The following CAST variants were observed in gnomAD, a reference collection of about 807,000 sequenced individuals.
CAST encodes the protein calpastatin.
Under a neutral mutation model 119.6 loss-of-function variants are expected in CAST, and 76 were observed. The observed-to-expected ratio is 0.64, with a 90% CI of 0.53 to 0.77. The LOEUF is 0.77. Among genes scored for constraint, CAST ranks in the 30% least tolerant of loss-of-function variants. The probability of loss-of-function intolerance (pLI) is 0.00; values close to 1 mark genes in which losing one functional copy is unlikely to be tolerated. For synonymous variants in CAST, 319 were observed against 331.6 expected (o/e 0.96, Z 0.41); for missense variants, 953 against 946.5 (o/e 1.01, Z -0.09).
chr5:96,480,249 AGGAATATGGTAGTAAAATG>A, the CAST span, among the ~76,000 whole-genome samples: 5 of 152,200 alleles, frequency 3.3e-5, no homozygotes, highest in African/African-American at 1.2e-4. Context: ...TTTGGTGTTC[AGGAATATGGTAGTAAAATG>A]GGAACAGGAA....
the CAST span, among the ~76,000 whole-genome samples, chr5:96,014,461 CTTA>C: frequency 6.6e-6 from 1 of 152,086 alleles, no homozygotes; most frequent in Non-Finnish European, 1.5e-5. Context: ...AACATAGTCA[CTTA>C]TTATCATTAT....
chr5:95,980,983 G>A, the CAST span, among the ~76,000 whole-genome samples: 1 of 152,188 alleles, frequency 6.6e-6, no homozygotes, highest in African/African-American at 2.4e-5. Flanking sequence ...ACCCTGAGAT[G>A]TCACAGGGAG....
the CAST span, among the ~76,000 whole-genome samples, chr5:96,406,508 T>C: frequency 1.3e-5 from 2 of 152,174 alleles, no homozygotes; most frequent in African/African-American, 4.8e-5. Flanking sequence ...GGTGGACTCT[T>C]GGTAAGAGCC....
intron 1 of CAST, among the ~76,000 whole-genome samples, chr5:96,575,815 T>A (rs1390136220): frequency 6.6e-6 from 1 of 152,024 alleles, no homozygotes; most frequent in African/African-American, 2.4e-5. Context: ...GCTAATTTTT[T>A]AATCATTTGT....
At chr5:96,069,245 T>C in the CAST span, among the ~76,000 whole-genome samples, 13 of 151,884 alleles carry the variant, frequency 8.6e-5, no homozygotes, top group Admixed American at 7.2e-4. Context: ...ATATAAAATA[T>C]GTTTATATTA....
chr5:96,236,065 A>T, the CAST span, among the ~76,000 whole-genome samples: 1 of 152,044 alleles, frequency 6.6e-6, no homozygotes, highest in Admixed American at 6.6e-5. Context: ...CTTCTTATTA[A>T]GTAACCAGGA....
chr5:96,342,949 G>A, the CAST span, among the ~76,000 whole-genome samples: 1 of 152,120 alleles, frequency 6.6e-6, no homozygotes, highest in African/African-American at 2.4e-5. Context: ...CTGTAATTGA[G>A]CATTGAGACA....
the CAST span, among the ~76,000 whole-genome samples, chr5:96,055,187 G>A: frequency 9.9e-5 from 15 of 151,690 alleles, no homozygotes; most frequent in Admixed American, 2.6e-4. Context: ...CCTGGACATC[G>A]CCACCTCAGA....
intron 8 of CAST, 117 bp from the exon 9 acceptor site, chr5:96,730,663 C>T (rs1377463151): frequency 1.3e-6 from 1 of 743,072 alleles, no homozygotes; most frequent in Non-Finnish European, 2.4e-6. Flanking sequence ...CAAACATTCC[C>T]TTATGGTGTC....
the CAST span, among the ~76,000 whole-genome samples, chr5:96,491,705 G>C: frequency 2.0e-5 from 3 of 151,918 alleles, no homozygotes; most frequent in Non-Finnish European, 1.5e-5. Context: ...TATGTGCATA[G>C]GAATAGTCAT....
chr5:96,195,865 C>A, the CAST span, among the ~76,000 whole-genome samples: 1 of 152,240 alleles, frequency 6.6e-6, no homozygotes, highest in Admixed American at 6.5e-5. Context: ...TAAATACAGG[C>A]ATTTAATATG....
At chr5:96,533,338 C>T (rs1398302434) in intron 1 of CAST, among the ~76,000 whole-genome samples, 1 of 152,090 alleles carries the variant, frequency 6.6e-6, no homozygotes, top group African/African-American at 2.4e-5. Flanking sequence ...CAAGGAAAAT[C>T]TCTGGATTAG....
chr5:96,706,312 C>A (rs1278714343), intron 3 of CAST, among the ~76,000 whole-genome samples: 1 of 151,864 alleles, frequency 6.6e-6, no homozygotes, highest in Non-Finnish European at 1.5e-5. Flanking sequence ...TTTTTTCTTT[C>A]TTTATTTTTT....
At chr5:96,678,344 T>A (rs1265097231) in intron 2 of CAST, among the ~76,000 whole-genome samples, 2 of 152,216 alleles carry the variant, frequency 1.3e-5, no homozygotes, top group Admixed American at 6.5e-5. Context: ...GTTAGCCCTC[T>A]GAGGACAAAC....
the CAST span, among the ~76,000 whole-genome samples, chr5:96,244,551 T>A: frequency 6.6e-6 from 1 of 152,276 alleles, no homozygotes; most frequent in East Asian, 1.9e-4. Flanking sequence ...TACCGGACAT[T>A]ATTTGGAGAT....
chr5:96,624,186 G>C (rs181009023), intron 1 of CAST, among the ~76,000 whole-genome samples: 1 of 152,340 alleles, frequency 6.6e-6, no homozygotes, highest in African/African-American at 2.4e-5. Context: ...CAAGGGAACA[G>C]TGTTCTGATA....
At chr5:96,273,469 A>G in the CAST span, among the ~76,000 whole-genome samples, 1 of 152,208 alleles carries the variant, frequency 6.6e-6, no homozygotes, top group African/African-American at 2.4e-5. Context: ...GTAAGACTGT[A>G]TCTCAAGTTT....
chr5:96,487,586 G>A, the CAST span, among the ~76,000 whole-genome samples: 7 of 152,288 alleles, frequency 4.6e-5, no homozygotes, highest in East Asian at 1.3e-3. Flanking sequence ...AATGCCTATG[G>A]AACAAGACTC....
intron 3 of CAST, among the ~76,000 whole-genome samples, chr5:96,707,471 C>T (rs1218672355): frequency 1.3e-5 from 2 of 151,900 alleles, no homozygotes; most frequent in Non-Finnish European, 1.5e-5. Context: ...ACTGCAGCCT[C>T]CACCTCCTGG....
Sources: allele counts gnomAD v4.1 joint callset (sites outside exome capture counted in the v4.1 genomes callset), GRCh38; gene constraint gnomAD v4.1.1; transcripts MANE v1.5; gene names NCBI Gene and HGNC (gene_info 2026-07-23, HGNC 2026-07-21).